Variants in PCNX2 observed in about 807,000 individuals in gnomAD.
The protein encoded by PCNX2 is pecanex 2.
In PCNX2, 168 loss-of-function variants were observed where a neutral mutation model predicts 223.8. The observed-to-expected ratio is 0.75, with a 90% CI of 0.66 to 0.85. PCNX2 has a LOEUF of 0.85. Ranked by LOEUF, PCNX2 falls within the 40% of genes least tolerant of loss-of-function variation. The pLI is 0.00. For missense variants in PCNX2, 2,507 were observed against 2,675.5 expected (o/e 0.94, Z 1.39); for synonymous variants, 1,006 against 1,052.6 (o/e 0.96, Z 0.86).
At chr1:233,132,206 A>C (rs6664506) in intron 21 of PCNX2, among the ~76,000 whole-genome samples, 85,887 of 151,774 alleles carry the variant, frequency 0.57, 24,495 homozygotes, top group Admixed American at 0.67. Context: ...CAGGTAATCT[A>C]CCCTCCTCGG....
chr1:233,161,298 G>A lies in PCNX2; in HGVS notation c.3339C>T (p.Ser1113=), dbSNP rs199999639. 25 of 1,613,786 alleles carry A rather than the reference G, an allele frequency of 1.5e-5. No individual in the cohort carries two copies. Among genetic ancestry groups the A allele is most frequent in the Admixed American group, 5.0e-5 (3 of 59,998 alleles). The change falls in exon 18 of 34, where the codon AGC becomes AGT. Residue 1113 remains serine, a synonymous_variant. Transcript: ENST00000258229. ...AVVAVLSFAV[S]ASTVFLSLRP... ...GCAATGACAGGAATACAGTGCTGGC[G>A]CTGACTGCAAATGAGAGGACAGCAA...
intron 9 of PCNX2, among the ~76,000 whole-genome samples, chr1:233,229,522 A>G (rs1657935153): frequency 6.6e-6 from 1 of 152,196 alleles, no homozygotes; most frequent in African/African-American, 2.4e-5. Flanking sequence ...CAGTGTAAAT[A>G]AGAATCAGGT....
chr1:233,128,038 A>T (rs1050192815), intron 21 of PCNX2, among the ~76,000 whole-genome samples: 1 of 152,206 alleles, frequency 6.6e-6, no homozygotes, highest in Non-Finnish European at 1.5e-5. Context: ...AGAAACTTCA[A>T]TTTCAAATAA....
At chr1:233,250,269 CTAAT>C (rs199773373) in intron 8 of PCNX2, among the ~76,000 whole-genome samples, 1,193 of 91,350 alleles carry the variant, frequency 0.013, 15 homozygotes, top group African/African-American at 0.049. Flanking sequence ...ACTTCATCAA[CTAAT>C]TAATATCAGC....
intron 23 of PCNX2, among the ~76,000 whole-genome samples, chr1:233,074,073 T>C (rs544123883): frequency 6.6e-6 from 1 of 151,638 alleles, no homozygotes; most frequent in Non-Finnish European, 1.5e-5. Context: ...GAACCATTGG[T>C]TGTGTGTTTT....
chr1:233,017,676 T>G (rs914754358), intron 26 of PCNX2, among the ~76,000 whole-genome samples: 2 of 152,302 alleles, frequency 1.3e-5, no homozygotes, highest in East Asian at 3.9e-4. Context: ...ATGAAATCCC[T>G]ACAGATAGTA....
chr1:233,046,459 T>C (rs573269603), intron 25 of PCNX2, among the ~76,000 whole-genome samples: 1 of 152,256 alleles, frequency 6.6e-6, no homozygotes, highest in South Asian at 2.1e-4. Context: ...AATAAAAGCA[T>C]AATTTAGGTT....
the PCNX2 span, among the ~76,000 whole-genome samples, chr1:233,317,523 G>A: frequency 6.6e-6 from 1 of 152,126 alleles, no homozygotes; most frequent in Non-Finnish European, 1.5e-5. Context: ...TGCTCAGAAA[G>A]CATTATGTTT....
At chr1:233,035,999 A>G (rs973086964) in intron 25 of PCNX2, among the ~76,000 whole-genome samples, 1 of 152,208 alleles carries the variant, frequency 6.6e-6, no homozygotes, top group African/African-American at 2.4e-5. Context: ...CCTCTTGCCA[A>G]CTGGTTACAT....
Position 233,135,177 on chromosome 1 carries a change from G to C in PCNX2, c.3673C>G (p.Leu1225Val). 1 of 1,613,220 alleles carries C rather than the reference G, an allele frequency of 6.2e-7. No individual in the cohort carries two copies. Among genetic ancestry groups the C allele is most frequent in the South Asian group, 1.1e-5 (1 of 90,858 alleles). The change falls in exon 21 of 34, where the codon CTG (leucine) becomes GTG (valine). Residue 1225 changes from leucine to valine, a missense_variant. Around this residue, in one of 3 missense-constraint regions of PCNX2, gnomAD observed 1,372 missense variants for 1,509.4 expected, o/e 0.91. Coordinates refer to ENST00000258229, the MANE Select transcript of PCNX2 (RefSeq NM_014801.4). ...AGCTTCATGCCAGCAATGATCATCA[G>C]AAAAATGTCCCAGCTGTTGGAAACA... ...RRLGTHWDIFLMIIAGMKLLR... is the reference protein window; with the variant it reads ...RRLGTHWDIFVMIIAGMKLLR...
rs150238721 is a variant in PCNX2, at chr1:233,232,253, A to G, written c.2358+4592T>C. ...AACTTTACAATACTATGAAAGTGAT[A>G]AGCATTCAGTAGAACATCAATAAAT... On this transcript the variant is annotated intron_variant, in intron 9 of 33. Transcript: ENST00000258229. Among the ~76,000 whole-genome samples the G allele has an allele frequency of 1.0e-3, 158 of 152,342 alleles. 2 individuals carry two copies. Among genetic ancestry groups the G allele is most frequent in the African/African-American group, 3.7e-3 (153 of 41,584 alleles).
At chr1:233,251,359 AG>A (rs1659441274) in intron 7 of PCNX2, among the ~76,000 whole-genome samples, 1 of 152,230 alleles carries the variant, frequency 6.6e-6, no homozygotes, top group East Asian at 1.9e-4. Flanking sequence ...AATGAGGAAA[AG>A]CAAGAGATGG....
intron 23 of PCNX2, among the ~76,000 whole-genome samples, chr1:233,060,351 G>T (rs1245729144): frequency 2.6e-5 from 4 of 152,126 alleles, no homozygotes; most frequent in Non-Finnish European, 5.9e-5. Context: ...GGAGGATTAA[G>T]ACAAAAGAAA....
chr1:233,042,240 T>C (rs114813113), intron 25 of PCNX2, among the ~76,000 whole-genome samples: 1 of 152,324 alleles, frequency 6.6e-6, no homozygotes, highest in African/African-American at 2.4e-5. Context: ...TTCTCTCTTC[T>C]CTTCCACTTC....
chr1:233,088,032 A>G (rs1459808324), intron 23 of PCNX2, among the ~76,000 whole-genome samples: 1 of 152,246 alleles, frequency 6.6e-6, no homozygotes, highest in Non-Finnish European at 1.5e-5. Flanking sequence ...AGAAGTCCGT[A>G]TGTTTAAGTA....
chr1:233,031,781 C>G (rs1464549228), intron 25 of PCNX2: 1 of 977,748 alleles, frequency 1.0e-6, no homozygotes, highest in East Asian at 1.2e-4. Flanking sequence ...TGGCTGAAAG[C>G]ATTCTTTTTT....
At chr1:233,096,498 G>C (rs113687419) in intron 21 of PCNX2, among the ~76,000 whole-genome samples, 108 of 152,058 alleles carry the variant, frequency 7.1e-4, no homozygotes, top group African/African-American at 2.5e-3. Flanking sequence ...AGAGAAGGAT[G>C]GACTACTCTG....
intron 23 of PCNX2, among the ~76,000 whole-genome samples, chr1:233,068,234 T>C (rs1172871526): frequency 3.3e-5 from 5 of 152,134 alleles, no homozygotes; most frequent in African/African-American, 1.2e-4. Context: ...CCTTTTGGAA[T>C]GAAGAAAATT....
At chr1:233,234,917 C>T (rs1658294364) in intron 9 of PCNX2, among the ~76,000 whole-genome samples, 1 of 152,028 alleles carries the variant, frequency 6.6e-6, no homozygotes, top group Non-Finnish European at 1.5e-5. Context: ...CTGGGCAGAG[C>T]TCACAGACCT....
Sources: allele counts gnomAD v4.1 joint callset (sites outside exome capture counted in the v4.1 genomes callset), GRCh38; gene constraint gnomAD v4.1.1; regional missense constraint gnomAD v4.1.1; transcripts MANE v1.5; gene names NCBI Gene and HGNC (gene_info 2026-07-23, HGNC 2026-07-21).